The following SCN11A variants were observed in gnomAD, a reference collection of about 807,000 sequenced individuals.
The protein encoded by SCN11A is sodium voltage-gated channel alpha subunit 11, also known as sodium channel protein type 11 subunit alpha.
In SCN11A, 122 loss-of-function variants were observed where a neutral mutation model predicts 162.2. The ratio of observed to expected loss-of-function variants is 0.75; its 90% CI spans 0.65 to 0.87. The LOEUF is 0.87. SCN11A is among the 40% of genes least tolerant of loss of function. The pLI is 0.00. For missense variants in SCN11A, 2,015 were observed against 2,181.6 expected (o/e 0.92, Z 1.52); for synonymous variants, 758 against 751.5 (o/e 1.01, Z -0.14).
chr3:38,855,889 G>C (rs1411576016), intron 28 of SCN11A, among the ~76,000 whole-genome samples: 2 of 152,144 alleles, frequency 1.3e-5, no homozygotes, highest in Non-Finnish European at 2.9e-5. Context: ...CACATCACAG[G>C]ACTCTTTGCA....
At chr3:38,970,038 T>C (rs370370910) in intron 2 of SCN11A, among the ~76,000 whole-genome samples, 47 of 124,408 alleles carry the variant, frequency 3.8e-4, no homozygotes, top group African/African-American at 1.2e-3. Flanking sequence ...TATCCACTCT[T>C]GCGGCCCCTG....
chr3:39,028,568 C>G (rs1362256920), intron 2 of SCN11A, among the ~76,000 whole-genome samples: 1 of 152,128 alleles, frequency 6.6e-6, no homozygotes, highest in Non-Finnish European at 1.5e-5. Context: ...TAACAGAATG[C>G]CTGGGACTGG....
intron 16 of SCN11A, among the ~76,000 whole-genome samples, chr3:38,901,778 C>A (rs2065704625): frequency 6.6e-6 from 1 of 152,116 alleles, no homozygotes; most frequent in Non-Finnish European, 1.5e-5. Context: ...AGGGAGTAGG[C>A]CCATGGAATG....
At chr3:38,891,589 T>C (rs1487975060) in intron 19 of SCN11A, among the ~76,000 whole-genome samples, 1 of 152,216 alleles carries the variant, frequency 6.6e-6, no homozygotes, top group Non-Finnish European at 1.5e-5. Context: ...AACAGATATG[T>C]ATTTCCTACA....
intron 28 of SCN11A, among the ~76,000 whole-genome samples, chr3:38,854,977 T>C (rs531831314): frequency 6.6e-6 from 1 of 152,348 alleles, no homozygotes; most frequent in East Asian, 1.9e-4. Flanking sequence ...TAATTTCGAC[T>C]GGGCACAAAC....
chr3:39,049,368 T>C (rs2032267579), intron 1 of SCN11A, among the ~76,000 whole-genome samples: 1 of 152,250 alleles, frequency 6.6e-6, no homozygotes, highest in South Asian at 2.1e-4. Flanking sequence ...TCAAAAGCAA[T>C]ATAGTGTTAG....
At chr3:38,960,774 G>T (rs1300078271) in intron 2 of SCN11A, among the ~76,000 whole-genome samples, 1 of 152,208 alleles carries the variant, frequency 6.6e-6, no homozygotes, top group Non-Finnish European at 1.5e-5. Flanking sequence ...ACACAACATG[G>T]AATTGCTTAC....
intron 26 of SCN11A, 141 bp downstream of exon 26, chr3:38,870,550 C>T (rs533431783): frequency 1.6e-4 from 107 of 648,652 alleles, no homozygotes; most frequent in Non-Finnish European, 2.0e-4. Context: ...GCAGTGGTAT[C>T]TCATAGTGTT....
At chr3:38,957,494 A>C (rs2066696438) in intron 3 of SCN11A, among the ~76,000 whole-genome samples, 1 of 152,190 alleles carries the variant, frequency 6.6e-6, no homozygotes, top group Admixed American at 6.5e-5. Flanking sequence ...CTCAACTTGC[A>C]TGCAGTCTTA....
In SCN11A at chr3:38,850,638, T is replaced by C; in HGVS notation, c.4170A>G (p.Gln1390=). 1.2e-6 allele frequency: 2 copies of C among 1,613,968 alleles called. No individual in the cohort carries two copies. Among genetic ancestry groups the C allele is most frequent in the Non-Finnish European group, 1.7e-6 (2 of 1,179,906 alleles). Residue 1390 remains glutamine (Q), a synonymous_variant, in exon 29 of 30, where the codon CAA becomes CAG. Coordinates refer to ENST00000302328, the MANE Select transcript of SCN11A (RefSeq NM_001349253.2). ...CAAGGATGGATTTCATGGCTTTGGGTTGGTTGTATGATTCAGCCATCATGC... is the reference window on the plus strand; with the variant it reads ...CAAGGATGGATTTCATGGCTTTGGGCTGGTTGTATGATTCAGCCATCATGC... The part of the protein sequence containing the change: ...MISMMAESYN[Q]PKAMKSILDH...
intron 11 of SCN11A, among the ~76,000 whole-genome samples, chr3:38,917,277 A>G (rs1375339315): frequency 6.6e-6 from 1 of 152,204 alleles, no homozygotes; most frequent in Non-Finnish European, 1.5e-5. Context: ...AGACCTAAAA[A>G]CAGAACTACC....
chr3:38,913,360 T>G (rs1188132290), intron 11 of SCN11A, among the ~76,000 whole-genome samples: 1 of 152,198 alleles, frequency 6.6e-6, no homozygotes, highest in Non-Finnish European at 1.5e-5. Context: ...AATTTCCTTA[T>G]AGATGCTGAA....
intron 2 of SCN11A, among the ~76,000 whole-genome samples, chr3:38,986,856 G>A (rs563522792): frequency 4.6e-5 from 7 of 152,186 alleles, no homozygotes; most frequent in Non-Finnish European, 1.0e-4. Context: ...TTTGTACTGA[G>A]TCTCTTGGAG....
chr3:38,851,714 A>G (rs750539163), intron 28 of SCN11A, among the ~76,000 whole-genome samples: 34 of 152,202 alleles, frequency 2.2e-4, no homozygotes, highest in Non-Finnish European at 1.0e-4. Flanking sequence ...AGTGGCATAC[A>G]CTATTATCTT....
intron 11 of SCN11A, among the ~76,000 whole-genome samples, chr3:38,913,879 GT>G (rs758314712): frequency 1.3e-5 from 2 of 152,164 alleles, no homozygotes; most frequent in East Asian, 3.8e-4. Flanking sequence ...GTACCATGCT[GT>G]TTTGGTTACT....
intron 7 of SCN11A, among the ~76,000 whole-genome samples, chr3:38,938,517 T>TATAC (rs1559544837): frequency 7.7e-5 from 1 of 12,968 alleles, no homozygotes; most frequent in African/African-American, 3.1e-4. Context: ...ATCATATATA[T>TATAC]ATATATATAT....
rs534814232 is a variant in SCN11A, at chr3:38,971,048, G to A, written c.-279-10625C>T. 9.2e-5 allele frequency among the ~76,000 whole-genome samples: 14 copies of A among 152,280 alleles called. No individual in the cohort carries two copies. The South Asian group carries it at 1.9e-3, about 20-fold the overall frequency. Reference sequence around the variant, plus strand: ...ACTCAAAGCTATAGATCCTGTTGCCGTGGCTCAAATCCAGAGACGTAAGTG... The same window carrying A: ...ACTCAAAGCTATAGATCCTGTTGCCATGGCTCAAATCCAGAGACGTAAGTG... On this transcript the variant is annotated intron_variant, in intron 2 of 29. Coordinates refer to ENST00000302328, the MANE Select transcript of SCN11A (RefSeq NM_001349253.2).
At chr3:38,852,591 G>A (rs1476173421) in intron 28 of SCN11A, among the ~76,000 whole-genome samples, 4 of 152,228 alleles carry the variant, frequency 2.6e-5, no homozygotes, top group African/African-American at 9.6e-5. Context: ...GCCACCCTGT[G>A]AAGATGCTTC....
chr3:39,030,953 C>T (rs74555331), intron 2 of SCN11A, among the ~76,000 whole-genome samples: 5,379 of 152,222 alleles, frequency 0.035, 308 homozygotes, highest in African/African-American at 0.12. Context: ...TTGTCATATT[C>T]GCCAGTTAGT....
Sources: allele counts gnomAD v4.1 joint callset (sites outside exome capture counted in the v4.1 genomes callset), GRCh38; gene constraint gnomAD v4.1.1; transcripts MANE v1.5; gene names NCBI Gene and HGNC (gene_info 2026-07-23, HGNC 2026-07-21).